Variants in MCU observed in about 807,000 individuals in gnomAD.
MCU encodes the protein calcium uniporter protein, mitochondrial.
Under a neutral mutation model 45.2 loss-of-function variants are expected in MCU, and 12 were observed. That is an observed-to-expected ratio of 0.27 (90% CI 0.17 to 0.43). MCU has a LOEUF of 0.43. Among genes scored for constraint, MCU ranks in the 20% least tolerant of loss-of-function variants. The probability of loss-of-function intolerance (pLI) is 1.00; values close to 1 mark genes in which losing one functional copy is unlikely to be tolerated. For synonymous variants in MCU, 160 were observed against 165.1 expected (o/e 0.97, Z 0.24); for missense variants, 324 against 436.7 (o/e 0.74, Z 2.30).
At chr10:72,861,562 G>T (rs1410591919) in intron 4 of MCU, 1 of 302,578 alleles carries the variant, frequency 3.3e-6, no homozygotes, top group Non-Finnish European at 6.3e-6. Flanking sequence ...GGTCAGGCTG[G>T]TCTCGGACTC....
chr10:72,718,540 A>G (rs1038331296), intron 1 of MCU, among the ~76,000 whole-genome samples: 2 of 152,200 alleles, frequency 1.3e-5, no homozygotes, highest in Admixed American at 6.5e-5. Flanking sequence ...ATATTTCCCT[A>G]TGAAGATTTA....
At position 72,860,472 on chromosome 10, in the gene MCU, T is replaced by A; in HGVS notation, c.441T>A (p.Asp147Glu). Residue 147 changes from aspartate (D) to glutamate (E), a missense_variant, in exon 4 of 8, where the codon GAT (aspartate) becomes GAA (glutamate). Coordinates refer to ENST00000373053, the MANE Select transcript of MCU (RefSeq NM_138357.3). ...ASTGIDLLLL[D>E]DFKLVINDLT... is the part of the protein sequence containing the mutation. ...CAGGAATAGACCTCCTCCTCCTTGATGACTTTAAGCTGGTCATTAATGACT... is the reference window on the plus strand; with the variant it reads ...CAGGAATAGACCTCCTCCTCCTTGAAGACTTTAAGCTGGTCATTAATGACT... 6.2e-7 allele frequency: 1 copy of A among 1,614,102 alleles called. No homozygotes were observed. The highest frequency in any genetic ancestry group is 8.5e-7 in the Non-Finnish European group (1 of 1,179,990).
intron 1 of MCU, among the ~76,000 whole-genome samples, chr10:72,743,880 G>A (rs1843371836): frequency 6.6e-6 from 1 of 152,110 alleles, no homozygotes; most frequent in South Asian, 2.1e-4. Context: ...GGCAGCAGCT[G>A]ATTCTAAGAA....
intron 1 of MCU, among the ~76,000 whole-genome samples, chr10:72,785,861 A>G (rs948971723): frequency 6.6e-6 from 1 of 152,222 alleles, no homozygotes; most frequent in African/African-American, 2.4e-5. Flanking sequence ...TATAGAAATC[A>G]AAGGAGTATT....
At chr10:72,806,423 G>A (rs1048095042) in intron 1 of MCU, among the ~76,000 whole-genome samples, 1 of 152,186 alleles carries the variant, frequency 6.6e-6, no homozygotes, top group African/African-American at 2.4e-5. Flanking sequence ...GCCTCCCAAA[G>A]TGCTGGAATT....
intron 1 of MCU, among the ~76,000 whole-genome samples, chr10:72,781,430 G>A (rs1341280382): frequency 6.6e-6 from 1 of 152,168 alleles, no homozygotes; most frequent in Non-Finnish European, 1.5e-5. Context: ...TAGAGTTAAA[G>A]TCATCTCTTA....
At chr10:72,725,354 C>T (rs1395241816) in intron 1 of MCU, among the ~76,000 whole-genome samples, 1 of 152,014 alleles carries the variant, frequency 6.6e-6, no homozygotes, top group Non-Finnish European at 1.5e-5. Context: ...CCTCGATCTC[C>T]TGACCTTGTG....
intron 1 of MCU, among the ~76,000 whole-genome samples, chr10:72,711,108 G>A (rs1362616783): frequency 2.0e-5 from 3 of 151,760 alleles, no homozygotes; most frequent in Admixed American, 6.6e-5. Flanking sequence ...GAACCTGGGA[G>A]GCAGAGGTTG....
intron 6 of MCU, among the ~76,000 whole-genome samples, chr10:72,877,883 G>A (rs947132401): frequency 1.4e-4 from 21 of 152,072 alleles, no homozygotes; most frequent in Non-Finnish European, 5.9e-5. Context: ...TTTGGAACCT[G>A]TAAAGGCTAC....
intron 1 of MCU, among the ~76,000 whole-genome samples, chr10:72,744,625 G>A (rs900697082): frequency 3.3e-5 from 5 of 152,180 alleles, no homozygotes; most frequent in Non-Finnish European, 4.4e-5. Context: ...GTGAGACTTC[G>A]TCTCAAAATT....
intron 1 of MCU, among the ~76,000 whole-genome samples, chr10:72,718,601 A>T (rs1010114655): frequency 6.6e-6 from 1 of 152,242 alleles, no homozygotes; most frequent in Admixed American, 6.5e-5. Context: ...AGTTGAACAC[A>T]TGCATGCCCT....
chr10:72,881,718 G>A (rs1845704411), intron 6 of MCU, among the ~76,000 whole-genome samples: 1 of 152,106 alleles, frequency 6.6e-6, no homozygotes, highest in South Asian at 2.1e-4. Context: ...ATCTGAACAG[G>A]CACTTCTAAT....
At chr10:72,774,570 A>AT (rs997354133) in intron 1 of MCU, among the ~76,000 whole-genome samples, 1 of 152,140 alleles carries the variant, frequency 6.6e-6, no homozygotes, top group African/African-American at 2.4e-5. Flanking sequence ...TGAAGGTAGT[A>AT]TTGTCAGTTC....
intron 1 of MCU, among the ~76,000 whole-genome samples, chr10:72,707,810 T>A (rs1252058389): frequency 6.6e-6 from 1 of 152,142 alleles, no homozygotes; most frequent in Admixed American, 6.5e-5. Context: ...GGATGCTTGA[T>A]TAGGTGAACC....
intron 1 of MCU, among the ~76,000 whole-genome samples, chr10:72,721,981 C>T (rs1350881242): frequency 1.8e-4 from 27 of 152,048 alleles, no homozygotes; most frequent in Admixed American, 1.8e-3. Context: ...GGGAATGCAA[C>T]AATATTTATG....
At position 72,762,278 on chromosome 10, in the gene MCU, C is replaced by G. The variant is rs141617685; in HGVS notation, c.150+69977C>G. On this transcript the variant is annotated intron_variant, in intron 1 of 7. Coordinates refer to ENST00000373053, the MANE Select transcript of MCU (RefSeq NM_138357.3). ...AGATGGATTCACAGCTGAAATCTAC[C>G]AGACATTCAAAGAAGAATTGGTACC... Among the ~76,000 whole-genome samples, 736 of 152,194 alleles carry G rather than the reference C, an allele frequency of 4.8e-3. 4 individuals are homozygous for G. Among genetic ancestry groups the G allele is most frequent in the African/African-American group, 0.016 (683 of 41,548 alleles).
chr10:72,762,010 G>A (rs117552199), intron 1 of MCU, among the ~76,000 whole-genome samples: 2,809 of 152,114 alleles, frequency 0.018, 39 homozygotes, highest in Non-Finnish European at 0.031. Context: ...TTGTCCTTAG[G>A]CTCCTTAGGC....
chr10:72,830,069 A>G (rs1844857082), intron 1 of MCU, among the ~76,000 whole-genome samples: 1 of 152,220 alleles, frequency 6.6e-6, no homozygotes, highest in African/African-American at 2.4e-5. Flanking sequence ...AAAGGGCCAG[A>G]TGGTAAATAT....
chr10:72,784,877 A>G (rs1377793279), intron 1 of MCU, among the ~76,000 whole-genome samples: 1 of 152,148 alleles, frequency 6.6e-6, no homozygotes, highest in Non-Finnish European at 1.5e-5. Context: ...TCAGCTCTAT[A>G]TAATGCCCTT....
Sources: gnomAD v4.1 joint callset for allele counts (sites outside exome capture counted in the v4.1 genomes callset) on GRCh38, gnomAD v4.1.1 for gene constraint, MANE v1.5 for transcripts, NCBI Gene and HGNC (gene_info 2026-07-23, HGNC 2026-07-21) for gene names.